The following MYO18B variants were observed in gnomAD, a reference collection of about 807,000 sequenced individuals.
The protein encoded by MYO18B is myosin XVIIIB.
MYO18B carries 204 observed loss-of-function variants against 273.0 expected under a neutral mutation model. The ratio of observed to expected loss-of-function variants is 0.75; its 90% CI spans 0.67 to 0.84. The LOEUF (loss-of-function observed/expected upper bound fraction) is 0.84, where lower values mean the gene tolerates loss of function less well. Among genes scored for constraint, MYO18B ranks in the 40% least tolerant of loss-of-function variants. The probability of loss-of-function intolerance (pLI) is 0.00; values close to 1 mark genes in which losing one functional copy is unlikely to be tolerated. For missense variants in MYO18B, 3,212 were observed against 3,287.6 expected (o/e 0.98, Z 0.56); for synonymous variants, 1,330 against 1,305.7 (o/e 1.02, Z -0.40).
intron 7 of MYO18B, among the ~76,000 whole-genome samples, chr22:25,774,039 T>C (rs1197183193): frequency 6.6e-6 from 1 of 152,168 alleles, no homozygotes. Flanking sequence ...TCATGATACC[T>C]CTTCTGGTTT....
At chr22:25,823,232 CAGTT>C (rs1214964164) in intron 12 of MYO18B, among the ~76,000 whole-genome samples, 1 of 152,142 alleles carries the variant, frequency 6.6e-6, no homozygotes, top group Non-Finnish European at 1.5e-5. Context: ...CCCAATTTCA[CAGTT>C]AGAGTGCTTC....
In MYO18B at chr22:25,902,627, T is replaced by C. The variant is rs760035133; in HGVS notation, c.4838T>C (p.Leu1613Pro). 1 of 1,607,364 alleles carries C rather than the reference T, an allele frequency of 6.2e-7. No homozygotes were observed. The highest frequency in any genetic ancestry group is 1.1e-5 in the South Asian group (1 of 89,170). ...GCTTTGCACAGGTTTGACCTGCAGC[T>C]GGCCCAGGCCCTAGGTGAGTCAGTG... The part of the protein sequence containing the change: ...EKKQKKFDLQ[L>P]AQALGESVFE... Residue 1613 changes from leucine to proline, a missense_variant, in exon 30 of 44, where the codon CTG becomes CCG. Leu to Pro is a moderately conservative substitution (Grantham distance 98). Coordinates refer to ENST00000335473, the MANE Select transcript of MYO18B (RefSeq NM_032608.7).
chr22:25,980,672 T>G (rs1436295368), intron 39 of MYO18B, among the ~76,000 whole-genome samples: 1 of 152,240 alleles, frequency 6.6e-6, no homozygotes, highest in Admixed American at 6.5e-5. Context: ...AGTTTTCTTT[T>G]GTCACTTTTT....
At chr22:25,806,892 C>T (rs1470866595) in intron 12 of MYO18B, among the ~76,000 whole-genome samples, 4 of 152,214 alleles carry the variant, frequency 2.6e-5, no homozygotes, top group Non-Finnish European at 5.9e-5. Context: ...AGTGACTTTT[C>T]ATCTCGTTGG....
rs1444704245 is a variant in MYO18B, at chr22:25,952,326, C to T, written c.5873C>T (p.Ser1958Phe). The change falls in exon 38 of 44, where the codon TCC becomes TTC. Residue 1958 changes from serine (S) to phenylalanine (F), a missense_variant. Transcript: ENST00000335473. ...ATGCGCATCGAGTACCTGGAACAGT[C>T]CACCGTGGATCGAGCCATCGTCAGC... Reference protein sequence around the residue: ...AQMRIEYLEQSTVDRAIVSRQ... With the variant: ...AQMRIEYLEQFTVDRAIVSRQ... The T allele has an allele frequency of 6.2e-7, 1 of 1,611,712 alleles. No homozygotes were observed. Among genetic ancestry groups the T allele is most frequent in the Non-Finnish European group, 8.5e-7 (1 of 1,179,036 alleles).
the MYO18B span, among the ~76,000 whole-genome samples, chr22:26,041,370 A>AAAAAC: frequency 6.6e-6 from 1 of 150,512 alleles, no homozygotes; most frequent in African/African-American, 2.5e-5. Flanking sequence ...AAAAAAAAAA[A>AAAAAC]AACAAAACTA....
intron 6 of MYO18B, 140 bp from the exon 7 acceptor site, chr22:25,772,194 T>C: frequency 1.4e-6 from 1 of 703,940 alleles, no homozygotes; most frequent in East Asian, 2.8e-5. Flanking sequence ...CCATCCAGAG[T>C]CCCTGTGCTC....
chr22:25,882,227 T>G (rs2146224409), intron 25 of MYO18B, among the ~76,000 whole-genome samples: 1 of 152,248 alleles, frequency 6.6e-6, no homozygotes, highest in East Asian at 1.9e-4. Flanking sequence ...TCCCAGTCCC[T>G]GGCACAGGAT....
chr22:25,955,698 C>T (rs191961599), intron 39 of MYO18B, among the ~76,000 whole-genome samples: 1 of 152,312 alleles, frequency 6.6e-6, no homozygotes, highest in East Asian at 1.9e-4. Context: ...GAGGAAAAAA[C>T]CGGTATTTAT....
chr22:25,998,096 G>C (rs9613074), intron 40 of MYO18B, among the ~76,000 whole-genome samples: 1 of 152,008 alleles, frequency 6.6e-6, no homozygotes, highest in Admixed American at 6.5e-5. Flanking sequence ...AGCATAACAG[G>C]CCTTCCAGGC....
rs2090154427 is a variant in MYO18B, at chr22:25,843,796, A to G, written c.3270A>G (p.Gly1090=). 2 of 1,613,794 alleles carry G rather than the reference A, an allele frequency of 1.2e-6. No individual in the cohort carries two copies. The highest frequency in any genetic ancestry group is 2.2e-5 in the East Asian group (1 of 44,872). ...AGTGTGAGATTTTCCACCAGTTGGG[A>G]TGGGACCCTGTGCGGTACGACCTCA... ...PLQCEIFHQL[G]WDPVRYDLTG... The change falls in exon 18 of 44, where the codon GGA becomes GGG. Residue 1090 remains glycine, a synonymous_variant. Transcript: ENST00000335473.
chr22:25,995,079 T>A (rs751142641), intron 40 of MYO18B, among the ~76,000 whole-genome samples: 1 of 152,156 alleles, frequency 6.6e-6, no homozygotes, highest in African/African-American at 2.4e-5. Context: ...ATGTGATGCG[T>A]ATACACGATA....
intron 12 of MYO18B, among the ~76,000 whole-genome samples, chr22:25,805,846 G>C: frequency 6.6e-6 from 1 of 152,256 alleles, no homozygotes; most frequent in South Asian, 2.1e-4. Context: ...ACTTCCCTTT[G>C]TCAACCCCTC....
At chr22:25,994,529 C>CT (rs1340000711) in intron 40 of MYO18B, among the ~76,000 whole-genome samples, 1 of 117,198 alleles carries the variant, frequency 8.5e-6, no homozygotes, top group Non-Finnish European at 1.8e-5. Context: ...AAGACTTTGT[C>CT]TTAAAAAAAA....
At chr22:25,861,379 A>G (rs1443474939) in intron 21 of MYO18B, among the ~76,000 whole-genome samples, 1 of 152,184 alleles carries the variant, frequency 6.6e-6, no homozygotes, top group Non-Finnish European at 1.5e-5. Context: ...CTTTGTTGCT[A>G]TAAAATGTCT....
At chr22:26,054,880 G>T in the MYO18B span, among the ~76,000 whole-genome samples, 1 of 152,232 alleles carries the variant, frequency 6.6e-6, no homozygotes, top group South Asian at 2.1e-4. Context: ...GAAACATAGG[G>T]TGATGATGTG....
chr22:25,823,618 A>G lies in MYO18B; in HGVS notation c.2635A>G (p.Ile879Val). Residue 879 changes from isoleucine to valine, a missense_variant, in exon 13 of 44, where the codon ATC (isoleucine) becomes GTC (valine). By Grantham distance (29) the Ile-to-Val change is conservative. Coordinates refer to ENST00000335473, the MANE Select transcript of MYO18B (RefSeq NM_032608.7). ...ATFKHHLRQI[I>V]QQMTFGPSRW... ...CTTCAAGCACCACCTTCGACAGATC[A>G]TCCAGCAAATGACGTTTGGGCCAAG... 6.2e-7 allele frequency: 1 copy of G among 1,613,436 alleles called. No homozygotes were observed. Among genetic ancestry groups the G allele is most frequent in the Non-Finnish European group, 8.5e-7 (1 of 1,179,376 alleles).
At chr22:25,873,723 A>C (rs996968424) in intron 22 of MYO18B, among the ~76,000 whole-genome samples, 3 of 152,098 alleles carry the variant, frequency 2.0e-5, no homozygotes, top group African/African-American at 7.2e-5. Context: ...TACAGGCATG[A>C]GCCACCACGC....
At chr22:26,037,897 T>C in the MYO18B span, among the ~76,000 whole-genome samples, 1 of 152,234 alleles carries the variant, frequency 6.6e-6, no homozygotes, top group Non-Finnish European at 1.5e-5. Context: ...TAATACCCCA[T>C]ACCTGTGCAT....
Sources: allele counts gnomAD v4.1 joint callset (sites outside exome capture counted in the v4.1 genomes callset), GRCh38; gene constraint gnomAD v4.1.1; transcripts MANE v1.5; gene names NCBI Gene and HGNC (gene_info 2026-07-23, HGNC 2026-07-21).